PLCL1: variants seen among roughly 807,000 people sequenced by gnomAD.
PLCL1 encodes inactive phospholipase C-like protein 1.
A neutral mutation model predicts 84.4 loss-of-function variants in PLCL1; 41 were observed. That is an observed-to-expected ratio of 0.49 (90% CI 0.38 to 0.63). The LOEUF (loss-of-function observed/expected upper bound fraction) is 0.63, where lower values mean the gene tolerates loss of function less well. Among genes scored for constraint, PLCL1 ranks in the 30% least tolerant of loss-of-function variants. PLCL1 has a pLI of 0.00. For missense variants in PLCL1, 1,206 were observed against 1,367.8 expected (o/e 0.88, Z 1.87); for synonymous variants, 490 against 488.3 (o/e 1.00, Z -0.05).
chr2:198,077,277 A>G (rs1692599067), intron 1 of PLCL1, among the ~76,000 whole-genome samples: 4 of 152,164 alleles, frequency 2.6e-5, no homozygotes, highest in Non-Finnish European at 4.4e-5. Flanking sequence ...TGGCACATGT[A>G]TACATATGTA....
chr2:198,118,905 T>A (rs749122435), intron 5 of PLCL1, among the ~76,000 whole-genome samples: 16 of 152,050 alleles, frequency 1.1e-4, no homozygotes, highest in Non-Finnish European at 2.4e-4. Context: ...TATTGTCTAA[T>A]GTAGTGATTT....
intron 1 of PLCL1, among the ~76,000 whole-genome samples, chr2:197,996,156 T>A (rs1002340170): frequency 6.6e-6 from 1 of 151,764 alleles, no homozygotes; most frequent in Admixed American, 6.6e-5. Context: ...TGGAAGGAGA[T>A]GATGAATTCT....
At chr2:197,902,575 T>C (rs924251869) in intron 1 of PLCL1, among the ~76,000 whole-genome samples, 1 of 152,196 alleles carries the variant, frequency 6.6e-6, no homozygotes, top group Non-Finnish European at 1.5e-5. Flanking sequence ...AGTTCCCTAA[T>C]AGTTTTGTAG....
intron 1 of PLCL1, among the ~76,000 whole-genome samples, chr2:197,968,775 C>T (rs1009370895): frequency 6.6e-5 from 10 of 152,190 alleles, no homozygotes; most frequent in Admixed American, 1.3e-4. Context: ...TTCTACTGGA[C>T]GTTTTCAGAA....
chr2:197,952,644 A>T (rs937837333), intron 1 of PLCL1, among the ~76,000 whole-genome samples: 43 of 152,102 alleles, frequency 2.8e-4, no homozygotes, highest in African/African-American at 1.0e-3. Flanking sequence ...ATCATGCCTA[A>T]TATGGTTGGC....
intron 1 of PLCL1, among the ~76,000 whole-genome samples, chr2:197,973,792 A>C (rs540407427): frequency 5.3e-5 from 8 of 152,180 alleles, no homozygotes; most frequent in African/African-American, 7.2e-5. Context: ...GGCCATGGGG[A>C]AAAATTTGGA....
intron 1 of PLCL1, among the ~76,000 whole-genome samples, chr2:197,994,410 A>G (rs1690414506): frequency 6.6e-6 from 1 of 152,176 alleles, no homozygotes; most frequent in East Asian, 1.9e-4. Context: ...ATATCCCTAA[A>G]AGTTTGTATA....
chr2:197,891,871 G>A (rs1186693171), intron 1 of PLCL1, among the ~76,000 whole-genome samples: 1 of 152,102 alleles, frequency 6.6e-6, no homozygotes, highest in Non-Finnish European at 1.5e-5. Flanking sequence ...CTGAGATTCT[G>A]CCTTTCTAAC....
chr2:197,924,511 A>C (rs1688795722), intron 1 of PLCL1, among the ~76,000 whole-genome samples: 1 of 152,146 alleles, frequency 6.6e-6, no homozygotes, highest in African/African-American at 2.4e-5. Flanking sequence ...CATTAGGCTA[A>C]GTATTTTATG....
At chr2:198,123,784 A>C (rs541175039) in intron 5 of PLCL1, among the ~76,000 whole-genome samples, 3 of 152,044 alleles carry the variant, frequency 2.0e-5, no homozygotes, top group Non-Finnish European at 4.4e-5. Flanking sequence ...ATGGGAAACC[A>C]ATTGTGAACT....
chr2:197,951,920 G>T (rs1689398249), intron 1 of PLCL1, among the ~76,000 whole-genome samples: 2 of 152,128 alleles, frequency 1.3e-5, no homozygotes, highest in South Asian at 4.1e-4. Context: ...TTGTTCACAA[G>T]GCCAGTCCAG....
intron 5 of PLCL1, among the ~76,000 whole-genome samples, chr2:198,128,392 C>G (rs1694041729): frequency 6.6e-6 from 1 of 152,128 alleles, no homozygotes; most frequent in Non-Finnish European, 1.5e-5. Context: ...TTGCTCCAAT[C>G]TGTCTCCCCA....
At chr2:197,875,206 A>G (rs1225441923) in intron 1 of PLCL1, among the ~76,000 whole-genome samples, 2 of 152,090 alleles carry the variant, frequency 1.3e-5, no homozygotes, top group Non-Finnish European at 2.9e-5. Context: ...GGATCACTTG[A>G]ACCCAGGAGG....
intron 1 of PLCL1, among the ~76,000 whole-genome samples, chr2:197,896,258 A>C (rs1367888691): frequency 6.6e-6 from 1 of 152,060 alleles, no homozygotes; most frequent in African/African-American, 2.4e-5. Flanking sequence ...TTCCGTATTA[A>C]TTCAAGTATA....
intron 1 of PLCL1, among the ~76,000 whole-genome samples, chr2:197,937,781 A>G (rs1689079740): frequency 6.6e-6 from 1 of 152,242 alleles, no homozygotes; most frequent in African/African-American, 2.4e-5. Flanking sequence ...GTGCTTTACA[A>G]AAGGATTAAA....
chr2:197,924,031 C>G (rs1688781917), intron 1 of PLCL1, among the ~76,000 whole-genome samples: 1 of 150,730 alleles, frequency 6.6e-6, no homozygotes, highest in Admixed American at 6.6e-5. Context: ...CCTGCAATCG[C>G]AGGCACTCGG....
intron 3 of PLCL1, among the ~76,000 whole-genome samples, chr2:198,091,160 C>A (rs1693020725): frequency 6.6e-6 from 1 of 151,818 alleles, no homozygotes; most frequent in Admixed American, 6.6e-5. Context: ...TGGTAGAATT[C>A]AAAAATGATT....
intron 1 of PLCL1, among the ~76,000 whole-genome samples, chr2:197,878,648 T>G (rs1457981311): frequency 1.3e-5 from 2 of 152,290 alleles, no homozygotes; most frequent in Middle Eastern, 3.4e-3. Context: ...TGTGCATGTG[T>G]GTGTGTGTAT....
At chr2:197,932,042 T>G (rs1244104397) in intron 1 of PLCL1, among the ~76,000 whole-genome samples, 1 of 152,180 alleles carries the variant, frequency 6.6e-6, no homozygotes, top group African/African-American at 2.4e-5. Context: ...AGACATGATG[T>G]GACCAAAGGA....
Sources: gnomAD v4.1 joint callset for allele counts (sites outside exome capture counted in the v4.1 genomes callset) on GRCh38, gnomAD v4.1.1 for gene constraint, MANE v1.5 for transcripts, NCBI Gene and HGNC (gene_info 2026-07-23, HGNC 2026-07-21) for gene names.